Variants in EHHADH observed in about 807,000 individuals in gnomAD.
EHHADH encodes the protein peroxisomal bifunctional enzyme.
A neutral mutation model predicts 64.4 loss-of-function variants in EHHADH; 48 were observed. The observed-to-expected ratio is 0.75, with a 90% CI of 0.59 to 0.95. The LOEUF (loss-of-function observed/expected upper bound fraction) is 0.95. Ranked by LOEUF, EHHADH falls within the 40% of genes least tolerant of loss-of-function variation. EHHADH has a pLI of 0.00. For missense variants in EHHADH, 854 were observed against 876.6 expected (o/e 0.97, Z 0.33); for synonymous variants, 308 against 326.7 (o/e 0.94, Z 0.62).
intron 4 of EHHADH, among the ~76,000 whole-genome samples, chr3:185,221,706 G>C (rs1205620125): frequency 2.7e-5 from 4 of 150,226 alleles, no homozygotes; most frequent in Admixed American, 6.7e-5. Flanking sequence ...TCGAGTAGTT[G>C]GTACTACAGG....
rs545458684 is a variant in EHHADH at position 185,216,512 on chromosome 3, T to G, written c.568+1624A>C. ...CACAATGATGAAAACACAGTGAAGG[T>G]TGCCTGAAAGGCCGAGAAAAATAGT... On this transcript the variant is annotated intron_variant, in intron 5 of 6. Coordinates refer to ENST00000231887, the MANE Select transcript of EHHADH (RefSeq NM_001966.4). This position sits in a 1 kb window ranked among gnomAD's most constrained non-coding sequence, Gnocchi z 5.3. Among the ~76,000 whole-genome samples the G allele has an allele frequency of 1.3e-5, 2 of 152,232 alleles. No homozygotes were observed. Among genetic ancestry groups the G allele is most frequent in the African/African-American group, 4.8e-5 (2 of 41,462 alleles).
chr3:185,249,063 C>A (rs1719673076), intron 1 of EHHADH, among the ~76,000 whole-genome samples: 1 of 152,130 alleles, frequency 6.6e-6, no homozygotes, highest in Non-Finnish European at 1.5e-5. Context: ...CCTCAAATAT[C>A]CATTCCTCTC....
chr3:185,229,019 C>T (rs1400914904), intron 4 of EHHADH, among the ~76,000 whole-genome samples: 1 of 152,112 alleles, frequency 6.6e-6, no homozygotes, highest in Admixed American at 6.5e-5. Flanking sequence ...TGGTTTCCAA[C>T]TCCTGACCTC....
intron 2 of EHHADH, among the ~76,000 whole-genome samples, chr3:185,239,338 A>C (rs1367937114): frequency 6.6e-6 from 1 of 152,060 alleles, no homozygotes; most frequent in Admixed American, 6.6e-5. Context: ...TGGTAATTTG[A>C]TAGGAATTGC....
chr3:185,206,966 G>C (rs1049824774), intron 5 of EHHADH, among the ~76,000 whole-genome samples: 1 of 151,900 alleles, frequency 6.6e-6, no homozygotes, highest in Non-Finnish European at 1.5e-5. Flanking sequence ...AACCTCACAT[G>C]GTAAAGAGAT....
chr3:185,246,092 T>C, intron 2 of EHHADH: 2 of 1,288,934 alleles, frequency 1.6e-6, no homozygotes, highest in African/African-American at 1.5e-5. Context: ...CCAAGCATAA[T>C]GTCAAGGTCA....
intron 6 of EHHADH, among the ~76,000 whole-genome samples, chr3:185,195,006 G>T (rs954318682): frequency 6.6e-6 from 1 of 151,948 alleles, no homozygotes; most frequent in African/African-American, 2.4e-5. Flanking sequence ...AACAAATGAT[G>T]CTGGGACAAC....
At position 185,192,248 on chromosome 3, in the gene EHHADH, C is replaced by A. The variant is rs764871930; in HGVS notation, c.2150G>T (p.Gly717Val). The A allele has an allele frequency of 3.1e-6, 5 of 1,613,454 alleles. No homozygotes were observed. The South Asian group carries it at 5.5e-5, about 18-fold the overall frequency. Residue 717 changes from glycine (G) to valine (V), a missense_variant, in exon 7 of 7, where the codon GGC becomes GTC. By Grantham distance (109) the Gly-to-Val change is moderately radical. Transcript: ENST00000231887. Reference protein sequence around the residue: ...PPLKEWQSLAGSPSSKL With the variant: ...PPLKEWQSLAVSPSSKL ...GAATCACAATTTACTGCTAGGGGAG[C>A]CTGCCAAGCTTTGCCATTCTTTCAG...
chr3:185,192,026 T>C lies in EHHADH; in HGVS notation c.*200A>G, dbSNP rs1717883786. The C allele has an allele frequency of 1.7e-6, 1 of 587,638 alleles. No homozygotes were observed. The highest frequency in any genetic ancestry group is 2.9e-6 in the Non-Finnish European group (1 of 346,066). The allele number at this position is 587,638 out of a possible 1,614,324, so 36.4% of individuals were successfully genotyped here. ...CACAAGTTCATGCATTGAATTTATC[T>C]GATAAGGACAGATTCAGAGGCATAG... On this transcript the variant is annotated 3_prime_UTR_variant, in exon 7 of 7. Coordinates refer to ENST00000231887, the MANE Select transcript of EHHADH (RefSeq NM_001966.4).
chr3:185,198,920 C>A (rs1718150480), intron 6 of EHHADH, among the ~76,000 whole-genome samples: 1 of 145,820 alleles, frequency 6.9e-6, no homozygotes, highest in Non-Finnish European at 1.5e-5. Flanking sequence ...AGTTACATTT[C>A]AATTAAACTG....
At chr3:185,243,029 G>A (rs1719499489) in intron 2 of EHHADH, among the ~76,000 whole-genome samples, 2 of 152,152 alleles carry the variant, frequency 1.3e-5, no homozygotes, top group Non-Finnish European at 2.9e-5. Context: ...AAGCTCCCAG[G>A]GCCTTTCCTG....
chr3:185,249,694 G>C (rs911447164), intron 1 of EHHADH, among the ~76,000 whole-genome samples: 2 of 152,148 alleles, frequency 1.3e-5, no homozygotes, highest in Admixed American at 6.5e-5. Context: ...CAGCCATGTG[G>C]AACTGTGATC....
At chr3:185,215,806 T>C (rs1718666580) in intron 5 of EHHADH, among the ~76,000 whole-genome samples, 1 of 152,224 alleles carries the variant, frequency 6.6e-6, no homozygotes, top group African/African-American at 2.4e-5. Flanking sequence ...TTTTCATTTT[T>C]GCTTATTTCC....
At chr3:185,232,124 A>T (rs947396341) in intron 3 of EHHADH, among the ~76,000 whole-genome samples, 1 of 152,180 alleles carries the variant, frequency 6.6e-6, no homozygotes, top group Non-Finnish European at 1.5e-5. Flanking sequence ...GGGTACTTAA[A>T]TGCGGACTGC....
At chr3:185,242,059 A>C (rs1220514675) in intron 2 of EHHADH, among the ~76,000 whole-genome samples, 1 of 152,188 alleles carries the variant, frequency 6.6e-6, no homozygotes, top group Non-Finnish European at 1.5e-5. Context: ...GAATCAAATC[A>C]ATAACTCATC....
At chr3:185,232,429 T>G (rs568338658) in intron 3 of EHHADH, among the ~76,000 whole-genome samples, 1 of 152,326 alleles carries the variant, frequency 6.6e-6, no homozygotes, top group Non-Finnish European at 1.5e-5. Flanking sequence ...GATTGAATAT[T>G]ATGCCGCCAC....
In EHHADH at chr3:185,191,811, GTGTA is replaced by G. The variant is rs1717877856; in HGVS notation, c.*411_*414del. ...TTCCTACAACTTTAATGTTTGTTGA[GTGTA>G]TGTATGATTCATAAGATTTCTGATC... On this transcript the variant is annotated 3_prime_UTR_variant, in exon 7 of 7. Transcript: ENST00000231887. The G allele has an allele frequency of 5.6e-6, 1 of 179,674 alleles. No individual in the cohort carries two copies. The highest frequency in any genetic ancestry group is 1.3e-4 in the South Asian group (1 of 7,700). The allele number at this position is 179,674 out of a possible 1,614,324, so 11.1% of individuals were successfully genotyped here. A position where few individuals can be genotyped will look rare whatever the true frequency, so the allele number is the denominator to read the frequency against.
intron 4 of EHHADH, among the ~76,000 whole-genome samples, chr3:185,222,670 C>T (rs1262569088): frequency 6.6e-6 from 1 of 152,144 alleles, no homozygotes; most frequent in Non-Finnish European, 1.5e-5. Context: ...GAAAATTCCA[C>T]TACACATTTG....
At chr3:185,198,758 A>T (rs940448955) in intron 6 of EHHADH, among the ~76,000 whole-genome samples, 3 of 152,054 alleles carry the variant, frequency 2.0e-5, no homozygotes. Context: ...CTGAGGCACA[A>T]AGAATTGCTT....
Sources: allele counts gnomAD v4.1 joint callset (sites outside exome capture counted in the v4.1 genomes callset), GRCh38; gene constraint gnomAD v4.1.1; non-coding constraint Gnocchi (gnomAD v3.1); transcripts MANE v1.5; gene names NCBI Gene and HGNC (gene_info 2026-07-23, HGNC 2026-07-21).